Variants in GGA1 observed in about 807,000 individuals in gnomAD.
The protein encoded by GGA1 is golgi associated, gamma adaptin ear containing, ARF binding protein 1.
A neutral mutation model predicts 76.9 loss-of-function variants in GGA1; 18 were observed. The ratio of observed to expected loss-of-function variants is 0.23; its 90% CI spans 0.16 to 0.35. GGA1 has a LOEUF of 0.35. GGA1 is among the 10% of genes least tolerant of loss of function. The pLI, the probability that GGA1 is intolerant of heterozygous loss-of-function variation, is 1.00. For missense variants in GGA1, 755 were observed against 859.0 expected (o/e 0.88, Z 1.51); for synonymous variants, 342 against 354.7 (o/e 0.96, Z 0.40).
chr22:37,630,024 C>T lies in GGA1; in HGVS notation c.1185C>T (p.Ala395=). 1 of 1,585,314 alleles carries T rather than the reference C, an allele frequency of 6.3e-7. No homozygotes were observed. Among genetic ancestry groups the T allele is most frequent in the Non-Finnish European group, 8.6e-7 (1 of 1,165,226 alleles). The part of the protein sequence containing the change: ...FQSSDATEPP[A]PALAQAPSME... ...CGTCGGATGCCACTGAGCCCCCAGC[C>T]CCTGCTCTGGCCCAGGCCCCCAGTA... Residue 395 remains alanine (A), a synonymous_variant, in exon 13 of 17, where the codon GCC becomes GCT. Transcript: ENST00000343632.
At chr22:37,611,951 A>T (rs895373034) in intron 1 of GGA1, among the ~76,000 whole-genome samples, 1 of 152,130 alleles carries the variant, frequency 6.6e-6, no homozygotes, top group Admixed American at 6.6e-5. Flanking sequence ...CAGGAGTTTG[A>T]GACCAGCCTG....
At chr22:37,609,071 G>A in intron 1 of GGA1, 168 bp downstream of exon 1, 2 of 1,490,892 alleles carry the variant, frequency 1.3e-6, no homozygotes, top group Middle Eastern at 1.8e-4. Flanking sequence ...AGCGATGGAG[G>A]ACCCCGGCCC....
Position 37,620,898 on chromosome 22 carries a change from TGAG to T in GGA1, c.517_519del (p.Glu173del). On this transcript the variant is annotated inframe_deletion, in exon 6 of 17. Coordinates refer to ENST00000343632, the MANE Select transcript of GGA1 (RefSeq NM_013365.5). ...GGCCGAAGAATGTGATCTTTGAAGA[TGAG>T]GAGAAATCCAAGGTGAGACTCCAAG... is the stretch of plus-strand genomic sequence containing the variant. 1 of 1,605,862 alleles carries T rather than the reference TGAG, an allele frequency of 6.2e-7. No homozygotes were observed. Among genetic ancestry groups the T allele is most frequent in the Non-Finnish European group, 8.5e-7 (1 of 1,172,426 alleles).
At chr22:37,614,785 C>T (rs369348485) in intron 2 of GGA1, among the ~76,000 whole-genome samples, 6 of 152,078 alleles carry the variant, frequency 3.9e-5, no homozygotes, top group Non-Finnish European at 8.8e-5. Flanking sequence ...TTGAGACCAG[C>T]GTGGCCAACA....
intron 7 of GGA1, 97 bp downstream of exon 7, chr22:37,621,793 C>A: frequency 1.3e-6 from 1 of 757,612 alleles, no homozygotes; most frequent in South Asian, 1.7e-5. Context: ...TGGAAGGAGC[C>A]CTGCAGTGAC....
chr22:37,630,600 C>T (rs1281652592), intron 13 of GGA1: 2 of 470,154 alleles, frequency 4.3e-6, no homozygotes, highest in Non-Finnish European at 7.5e-6. Flanking sequence ...GGAGTCTCAC[C>T]CTGTCACCCA....
Position 37,623,418 on chromosome 22 carries a change from G to C in GGA1, c.701G>C (p.Ser234Thr). The C allele has an allele frequency of 6.2e-7, 1 of 1,614,118 alleles. No individual in the cohort carries two copies. The highest frequency in any genetic ancestry group is 8.5e-7 in the Non-Finnish European group (1 of 1,179,988). ...NVKLLTEMVM[S>T]HSQGGAAAGS... is the part of the protein sequence containing the mutation. ...AAACTGCTCACGGAGATGGTGATGA[G>C]CCACAGCCAGGGCGGCGCAGCAGCT... is the stretch of plus-strand genomic sequence containing the variant. Residue 234 changes from serine to threonine, a missense_variant, in exon 8 of 17, where the codon AGC becomes ACC. Transcript: ENST00000343632. The surrounding 1 kb of genome is among the most constrained non-coding windows in gnomAD (Gnocchi z 4.6).
intron 1 of GGA1, among the ~76,000 whole-genome samples, chr22:37,613,796 AG>A (rs1327819228): frequency 6.6e-6 from 1 of 152,056 alleles, no homozygotes; most frequent in Non-Finnish European, 1.5e-5. Flanking sequence ...CAGCTCCTTG[AG>A]GGCGGGACTA....
intron 3 of GGA1, 143 bp downstream of exon 3, chr22:37,617,140 G>A: frequency 6.7e-7 from 1 of 1,494,578 alleles, no homozygotes; most frequent in Non-Finnish European, 8.9e-7. Flanking sequence ...GTCCGGGCCT[G>A]CCCCAAGGGT....
Position 37,620,396 on chromosome 22 carries a change from C to T in GGA1, c.427+35C>T, listed in dbSNP as rs567597593. The T allele has an allele frequency of 1.4e-4, 229 of 1,611,158 alleles. 3 individuals carry two copies. The South Asian group carries it at 2.5e-3, about 17-fold the overall frequency. Reference sequence around the variant, plus strand: ...ACAGAGGGTGGGGGGCGACCAGGGCCTGCCTTCCCCTCCCCCACCATGAGC... The same window carrying T: ...ACAGAGGGTGGGGGGCGACCAGGGCTTGCCTTCCCCTCCCCCACCATGAGC... On this transcript the variant is annotated intron_variant, in intron 5 of 16. Coordinates refer to ENST00000343632, the MANE Select transcript of GGA1 (RefSeq NM_013365.5).
Position 37,613,646 on chromosome 22 carries a change from A to G in GGA1, c.44-544A>G, listed in dbSNP as rs539121675. Among the ~76,000 whole-genome samples, 10 of 150,610 alleles carry G rather than the reference A, an allele frequency of 6.6e-5. No individual in the cohort carries two copies. The South Asian group carries it at 8.4e-4, about 13-fold the overall frequency. The stretch of plus-strand genomic sequence containing the variant: ...GATCTCCTGACCTCGTGATCCACCC[A>G]CCTCAGCCTCCCAAAGTGCTGGGAT... On this transcript the variant is annotated intron_variant, in intron 1 of 16. Transcript: ENST00000343632.
intron 1 of GGA1, chr22:37,612,635 G>C (rs1351347065): frequency 6.6e-6 from 1 of 150,626 alleles, no homozygotes; most frequent in South Asian, 2.1e-4. Context: ...TTAGCCGGGC[G>C]TGGTGGCGGG....
In GGA1 at chr22:37,624,880, G is replaced by C; in HGVS notation, c.833-89G>C. The stretch of plus-strand genomic sequence containing the variant: ...CCCCTTTCCCTTCCCCTCACACACA[G>C]GCTGTGATGGATGTGGGGTCCTCGT... On this transcript the variant is annotated intron_variant, in intron 9 of 16. Transcript: ENST00000343632. This position sits in a 1 kb window ranked among gnomAD's most constrained non-coding sequence, Gnocchi z 4.3. The C allele has an allele frequency of 6.6e-7, 1 of 1,506,022 alleles. No homozygotes were observed. The highest frequency in any genetic ancestry group is 8.9e-7 in the Non-Finnish European group (1 of 1,118,966). The allele number at this position is 1,506,022 out of a possible 1,614,324, so 93.3% of individuals were successfully genotyped here.
In GGA1 at chr22:37,623,207, G is replaced by T; in HGVS notation, c.610-120G>T. The T allele has an allele frequency of 1.0e-6, 1 of 975,722 alleles. No homozygotes were observed. Among genetic ancestry groups the T allele is most frequent in the Non-Finnish European group, 1.6e-6 (1 of 617,010 alleles). The allele number at this position is 975,722 out of a possible 1,614,324, so 60.4% of individuals were successfully genotyped here. On this transcript the variant is annotated intron_variant, in intron 7 of 16. Transcript: ENST00000343632. The surrounding 1 kb of genome is among the most constrained non-coding windows in gnomAD (Gnocchi z 4.6). ...GGCCTGCTGGAGCCCCACCCAGAGT[G>T]TGATCCCACAGTCACCCAGCTGTCA...
Position 37,632,734 on chromosome 22 carries a change from AG to A in GGA1, c.*27del. 1 of 1,352,272 alleles carries A rather than the reference AG, an allele frequency of 7.4e-7. No individual in the cohort carries two copies. Among genetic ancestry groups the A allele is most frequent in the Non-Finnish European group, 1.0e-6 (1 of 957,336 alleles). The allele number at this position is 1,352,272 out of a possible 1,614,324, so 83.8% of individuals were successfully genotyped here. A position where few individuals can be genotyped will look rare whatever the true frequency, so the allele number is the denominator to read the frequency against. On this transcript the variant is annotated 3_prime_UTR_variant, in exon 17 of 17. Coordinates refer to ENST00000343632, the MANE Select transcript of GGA1 (RefSeq NM_013365.5). This position sits in a 1 kb window ranked among gnomAD's most constrained non-coding sequence, Gnocchi z 5.1. ...TAGAACAGAGGGGCTGGGGAGAGGA[AG>A]GGGCAGAGGGACCGGTCACTGTCCA...
Position 37,632,204 on chromosome 22 carries a change from C to A in GGA1, c.1698+39C>A, listed in dbSNP as rs1473257376. On this transcript the variant is annotated intron_variant, in intron 15 of 16. Transcript: ENST00000343632. The surrounding 1 kb of genome is among the most constrained non-coding windows in gnomAD (Gnocchi z 5.1). The stretch of plus-strand genomic sequence containing the variant: ...CGGACAGGGCATGCCTCCCTCCTCT[C>A]AAGGCAGGGTGACATGGAGCTGGGT... 8.9e-6 allele frequency: 14 copies of A among 1,579,212 alleles called. No individual in the cohort carries two copies. Among genetic ancestry groups the A allele is most frequent in the Non-Finnish European group, 8.7e-6 (10 of 1,154,014 alleles).
chr22:37,609,135 C>A, intron 1 of GGA1: 1 of 1,473,964 alleles, frequency 6.8e-7, no homozygotes, highest in Non-Finnish European at 9.0e-7. Context: ...ATCCCTGGGC[C>A]ATGACCCCTG....
chr22:37,622,579 G>A (rs990043315), intron 7 of GGA1, among the ~76,000 whole-genome samples: 7 of 151,974 alleles, frequency 4.6e-5, no homozygotes, highest in African/African-American at 1.7e-4. Context: ...TACAGCGCCC[G>A]GCTAATTTTA....
intron 14 of GGA1, 103 bp from the exon 15 acceptor site, chr22:37,631,893 C>A: frequency 1.0e-6 from 1 of 962,338 alleles, no homozygotes; most frequent in South Asian, 1.6e-5. Flanking sequence ...GCTCTTGTTG[C>A]CAGTACAGCA....
Sources: gnomAD v4.1 joint callset for allele counts (sites outside exome capture counted in the v4.1 genomes callset) on GRCh38, gnomAD v4.1.1 for gene constraint, Gnocchi (gnomAD v3.1) non-coding constraint, MANE v1.5 for transcripts, NCBI Gene and HGNC (gene_info 2026-07-23, HGNC 2026-07-21) for gene names.